Variants in THSD4 observed in about 807,000 individuals in gnomAD.
The protein encoded by THSD4 is thrombospondin type 1 domain containing 4, also known as thrombospondin type-1 domain-containing protein 4.
In THSD4, 69 loss-of-function variants were observed where a neutral mutation model predicts 119.0. The observed-to-expected ratio is 0.58, with a 90% CI of 0.48 to 0.71. The LOEUF is 0.71. Ranked by LOEUF, THSD4 falls within the 30% of genes least tolerant of loss-of-function variation. THSD4 has a pLI of 0.00. For synonymous variants in THSD4, 524 were observed against 540.4 expected (o/e 0.97, Z 0.42); for missense variants, 1,393 against 1,391.1 (o/e 1.00, Z -0.02).
At chr15:71,120,830 G>A (rs1234509676) in intron 1 of THSD4, among the ~76,000 whole-genome samples, 1 of 152,216 alleles carries the variant, frequency 6.6e-6, no homozygotes, top group African/African-American at 2.4e-5. Context: ...CCCCAGTAGG[G>A]AAATCACAGG....
chr15:71,434,434 C>CTTTTTTTTTTT, intron 7 of THSD4, among the ~76,000 whole-genome samples: 1 of 82,586 alleles, frequency 1.2e-5, no homozygotes. Context: ...TCAGTGGTCC[C>CTTTTTTTTTTT]TTTTTTTTTT....
At chr15:71,536,983 T>C (rs909572396) in intron 7 of THSD4, among the ~76,000 whole-genome samples, 6 of 152,186 alleles carry the variant, frequency 3.9e-5, no homozygotes, top group East Asian at 1.9e-4. Flanking sequence ...CTCTAAAGGA[T>C]TGGATAGGAG....
intron 7 of THSD4, among the ~76,000 whole-genome samples, chr15:71,483,201 G>T (rs2047760867): frequency 6.6e-6 from 1 of 152,128 alleles, no homozygotes; most frequent in South Asian, 2.1e-4. Context: ...AGGCCAAGTT[G>T]GGCTGACTAC....
At chr15:71,395,914 G>GAGACACACACACACAC (rs535919434) in intron 6 of THSD4, among the ~76,000 whole-genome samples, 230 of 133,372 alleles carry the variant, frequency 1.7e-3, no homozygotes, top group African/African-American at 6.3e-3. Context: ...TTTGAAGAGA[G>GAGACACACACACACAC]ACACACACAC....
rs371772849 is a variant in THSD4 at position 71,596,776 on chromosome 15, G to A, written c.1153-63754G>A. Among the ~76,000 whole-genome samples, 25 of 152,322 alleles carry A rather than the reference G, an allele frequency of 1.6e-4. No individual in the cohort carries two copies. In the South Asian group the frequency reaches 3.5e-3, roughly 21 times the overall value. On this transcript the variant is annotated intron_variant, in intron 7 of 17. Coordinates refer to ENST00000261862, the MANE Select transcript of THSD4 (RefSeq NM_024817.3). ...CCTGCGGGCCTCCTGGCTGGGGAGCGCAGCTCTGTTTTGGAGACAGCAGAA... is the reference window on the plus strand; with the variant it reads ...CCTGCGGGCCTCCTGGCTGGGGAGCACAGCTCTGTTTTGGAGACAGCAGAA...
intron 6 of THSD4, among the ~76,000 whole-genome samples, chr15:71,344,196 G>C (rs545442969): frequency 6.6e-6 from 1 of 151,846 alleles, no homozygotes; most frequent in Non-Finnish European, 1.5e-5. Flanking sequence ...CCGCCACCAC[G>C]CCCGACTAAA....
intron 7 of THSD4, among the ~76,000 whole-genome samples, chr15:71,524,763 ATTTTTT>A (rs35666244): frequency 2.7e-4 from 31 of 116,104 alleles, no homozygotes; most frequent in Middle Eastern, 4.4e-3. Flanking sequence ...CGCCCGGCTA[ATTTTTT>A]TTTTTTTTTT....
chr15:71,720,145 G>A (rs1448191026), intron 8 of THSD4, among the ~76,000 whole-genome samples: 1 of 148,502 alleles, frequency 6.7e-6, no homozygotes, highest in Non-Finnish European at 1.5e-5. Context: ...TAACCTCCTG[G>A]ACTCAAGGGA....
chr15:71,660,522 T>G lies in THSD4; in HGVS notation c.1153-8T>G. 6.2e-7 allele frequency: 1 copy of G among 1,614,050 alleles called. No homozygotes were observed. Among genetic ancestry groups the G allele is most frequent in the Non-Finnish European group, 8.5e-7 (1 of 1,179,926 alleles). On this transcript the variant is annotated splice_polypyrimidine_tract_variant and splice_region_variant and intron_variant, in intron 7 of 17. Transcript: ENST00000261862. ...ACTATGAGTCTTTTGTTTTCTGTCT[T>G]TTTGCAGAGCATTGGCTGTGATGAC...
chr15:71,343,707 A>G (rs1044474592), intron 6 of THSD4, among the ~76,000 whole-genome samples: 9 of 139,644 alleles, frequency 6.4e-5, no homozygotes, highest in Non-Finnish European at 1.2e-4. Context: ...GGATAATCTC[A>G]TCTCAGGATT....
rs1239964938 is a variant in THSD4 at position 71,777,564 on chromosome 15, C to G, written c.*190C>G. 8 of 697,046 alleles carry G rather than the reference C, an allele frequency of 1.1e-5. No individual in the cohort carries two copies. 43.2% of individuals were successfully genotyped at this position (697,046 alleles called of 1,614,324 possible). ...GCTTTTTACACAAGATGTTTGAAAG[C>G]CACAGTCAGTCCTTTAAGCATCACC... On this transcript the variant is annotated 3_prime_UTR_variant, in exon 18 of 18. Coordinates refer to ENST00000261862, the MANE Select transcript of THSD4 (RefSeq NM_024817.3).
intron 3 of THSD4, among the ~76,000 whole-genome samples, chr15:71,180,516 C>T (rs2043508199): frequency 3.3e-5 from 5 of 152,126 alleles, no homozygotes. Context: ...GGGGGGAATA[C>T]ATATGAGAAA....
intron 6 of THSD4, among the ~76,000 whole-genome samples, chr15:71,365,172 A>AT (rs2140426081): frequency 2.4e-5 from 2 of 84,756 alleles, no homozygotes; most frequent in Admixed American, 2.5e-4. Context: ...TGTGTATGAG[A>AT]GAGAGAAAGA....
chr15:71,443,729 T>G (rs1224663300), intron 7 of THSD4, among the ~76,000 whole-genome samples: 1 of 152,224 alleles, frequency 6.6e-6, no homozygotes, highest in Non-Finnish European at 1.5e-5. Context: ...AGGTGCATGT[T>G]CAAAGCTGTA....
chr15:71,661,117 A>G (rs1159822647), intron 8 of THSD4, among the ~76,000 whole-genome samples: 5 of 152,168 alleles, frequency 3.3e-5, no homozygotes, highest in African/African-American at 1.2e-4. Flanking sequence ...AATTGATCCT[A>G]TCTATACCTT....
intron 3 of THSD4, among the ~76,000 whole-genome samples, chr15:71,197,790 T>C (rs912221224): frequency 6.6e-6 from 1 of 152,152 alleles, no homozygotes; most frequent in African/African-American, 2.4e-5. Context: ...ACTGAATACC[T>C]GCTGCCTGTC....
intron 7 of THSD4, among the ~76,000 whole-genome samples, chr15:71,413,673 G>C (rs561784942): frequency 1.3e-5 from 2 of 152,332 alleles, no homozygotes; most frequent in East Asian, 3.9e-4. Context: ...AAGGAACAAG[G>C]TGTCACTTGA....
At chr15:71,201,445 CA>C (rs1425018841) in intron 3 of THSD4, among the ~76,000 whole-genome samples, 6 of 152,178 alleles carry the variant, frequency 3.9e-5, no homozygotes, top group African/African-American at 1.4e-4. Context: ...CTAGAAAATC[CA>C]AAGTTACCTC....
At chr15:71,454,782 C>T (rs1481242490) in intron 7 of THSD4, among the ~76,000 whole-genome samples, 2 of 152,214 alleles carry the variant, frequency 1.3e-5, no homozygotes, top group Non-Finnish European at 2.9e-5. Context: ...CCAAACATCT[C>T]TCCCTGACAC....
Sources: gnomAD v4.1 joint callset for allele counts (sites outside exome capture counted in the v4.1 genomes callset) on GRCh38, gnomAD v4.1.1 for gene constraint, MANE v1.5 for transcripts, NCBI Gene and HGNC (gene_info 2026-07-23, HGNC 2026-07-21) for gene names.